FREM1: variants seen among roughly 807,000 people sequenced by gnomAD.
The protein encoded by FREM1 is FRAS1-related extracellular matrix protein 1.
Under a neutral mutation model 210.1 loss-of-function variants are expected in FREM1, and 220 were observed. The ratio of observed to expected loss-of-function variants is 1.05; its 90% CI spans 0.94 to 1.17. The LOEUF (loss-of-function observed/expected upper bound fraction) is 1.17, where lower values mean the gene tolerates loss of function less well. Ranked by LOEUF, FREM1 falls within the 50% of genes most tolerant of loss-of-function variation. The pLI is 0.00. For missense variants in FREM1, 3,454 were observed against 2,675.5 expected (o/e 1.29, Z -6.42); for synonymous variants, 1,189 against 980.2 (o/e 1.21, Z -3.98).
At chr9:14,829,748 G>A (rs1399802753) in intron 10 of FREM1, among the ~76,000 whole-genome samples, 1 of 152,156 alleles carries the variant, frequency 6.6e-6, no homozygotes, top group Non-Finnish European at 1.5e-5. Context: ...TGTTGTAGCA[G>A]TACAAAATGG....
intron 13 of FREM1, among the ~76,000 whole-genome samples, chr9:14,822,660 C>A (rs563803455): frequency 6.6e-6 from 1 of 152,164 alleles, no homozygotes; most frequent in African/African-American, 2.4e-5. Flanking sequence ...CTTTGTAGTT[C>A]GGTTTTAATG....
At chr9:14,889,152 G>A (rs1040030420) in intron 1 of FREM1, among the ~76,000 whole-genome samples, 12 of 151,942 alleles carry the variant, frequency 7.9e-5, no homozygotes, top group Non-Finnish European at 1.5e-4. Flanking sequence ...AGTATAAATC[G>A]GTCTGTTTCT....
chr9:14,821,924 G>C (rs1821411821), intron 13 of FREM1, among the ~76,000 whole-genome samples: 1 of 152,150 alleles, frequency 6.6e-6, no homozygotes, highest in South Asian at 2.1e-4. Context: ...TCTTCACGTG[G>C]TTTGGCCATG....
intron 23 of FREM1, 66 bp from the exon 24 acceptor site, chr9:14,784,700 CA>C: frequency 7.6e-7 from 1 of 1,314,584 alleles, no homozygotes; most frequent in South Asian, 2.2e-5. Context: ...AAGGCAAAGG[CA>C]GAAGACAAAG....
In FREM1 at chr9:14,836,507, G is replaced by A. The variant is rs997904043; in HGVS notation, c.1881+4940C>T. 6.6e-6 allele frequency among the ~76,000 whole-genome samples: 1 copy of A among 152,128 alleles called. No individual in the cohort carries two copies. Among genetic ancestry groups the A allele is most frequent in the Admixed American group, 6.5e-5 (1 of 15,272 alleles). On this transcript the variant is annotated intron_variant, in intron 10 of 36. Coordinates refer to ENST00000380880, the MANE Select transcript of FREM1 (RefSeq NM_001379081.2). The surrounding 1 kb of genome is among the most constrained non-coding windows in gnomAD (Gnocchi z 4.9). ...AAATCAAAATTATTAACAGGCTCAG[G>A]GAAAATGCCGGCTTCAGCCCTGGGC... is the stretch of plus-strand genomic sequence containing the variant.
At chr9:14,813,121 G>C (rs1819704384) in intron 15 of FREM1, 57 bp from the exon 16 acceptor site, 1 of 1,520,712 alleles carries the variant, frequency 6.6e-7, no homozygotes, top group Non-Finnish European at 9.0e-7. Flanking sequence ...CAAATTCTTT[G>C]ACAGGTAATC....
chr9:14,860,624 TAC>T (rs1310863102), intron 3 of FREM1, among the ~76,000 whole-genome samples: 15 of 138,976 alleles, frequency 1.1e-4, no homozygotes, highest in Admixed American at 1.5e-4. Context: ...CACATATATA[TAC>T]ACATATATAC....
intron 5 of FREM1, among the ~76,000 whole-genome samples, chr9:14,855,114 T>C (rs1485614232): frequency 6.6e-6 from 1 of 151,952 alleles, no homozygotes; most frequent in Non-Finnish European, 1.5e-5. Context: ...GCCATGAAAA[T>C]TTTGAAGAGA....
intron 23 of FREM1, among the ~76,000 whole-genome samples, chr9:14,784,999 G>C (rs1850188704): frequency 6.6e-6 from 1 of 152,192 alleles, no homozygotes; most frequent in South Asian, 2.1e-4. Flanking sequence ...ATTTTGGAAA[G>C]AGTGTAAATT....
At chr9:14,815,545 T>C (rs1460220940) in intron 15 of FREM1, among the ~76,000 whole-genome samples, 1 of 152,218 alleles carries the variant, frequency 6.6e-6, no homozygotes, top group Non-Finnish European at 1.5e-5. Context: ...CCTTCTTTTG[T>C]TACCAACTAT....
At chr9:14,788,858 T>A in intron 23 of FREM1, 61 bp downstream of exon 23, 1 of 1,273,960 alleles carries the variant, frequency 7.8e-7, no homozygotes, top group African/African-American at 1.5e-5. Flanking sequence ...GAAACGAATG[T>A]GGAATACTTA....
At chr9:14,900,732 T>A (rs568632138) in intron 1 of FREM1, among the ~76,000 whole-genome samples, 2 of 152,256 alleles carry the variant, frequency 1.3e-5, no homozygotes, top group Admixed American at 1.3e-4. Context: ...GGAAAGCCAG[T>A]CCCATGTGTG....
At chr9:14,744,935 C>T (rs943219586) in intron 35 of FREM1, among the ~76,000 whole-genome samples, 2 of 152,108 alleles carry the variant, frequency 1.3e-5, no homozygotes, top group East Asian at 1.9e-4. Context: ...TACTATGCAG[C>T]CATAAAAAAG....
chr9:14,770,668 C>T lies in FREM1; in HGVS notation c.4996G>A (p.Asp1666Asn), dbSNP rs1475134475. 5.0e-6 allele frequency: 8 copies of T among 1,613,350 alleles called. No homozygotes were observed. The highest frequency in any genetic ancestry group is 1.7e-4 in the Middle Eastern group (1 of 6,022). Residue 1666 changes from aspartate to asparagine, a missense_variant, in exon 26 of 37, where the codon GAT becomes AAT. Physicochemically the swap from Asp to Asn is conservative, Grantham distance 23 (BLOSUM62 1). Transcript: ENST00000380880. The stretch of plus-strand genomic sequence containing the variant: ...TGTAGAATTTTAAAGATGATCTGAT[C>T]GTCCTCAGTGTCAGGGTCTGATGCC... ...LKASDPDTED[D>N]QIIFKILQGP...
intron 1 of FREM1, among the ~76,000 whole-genome samples, chr9:14,883,189 G>C (rs919572710): frequency 2.0e-5 from 3 of 152,030 alleles, no homozygotes; most frequent in African/African-American, 4.8e-5. Context: ...CTTTCTCATA[G>C]TCTTACAACA....
chr9:14,894,925 A>C (rs1427592491), intron 1 of FREM1, among the ~76,000 whole-genome samples: 2 of 152,212 alleles, frequency 1.3e-5, no homozygotes, highest in Non-Finnish European at 2.9e-5. Context: ...TCCTTTAAGG[A>C]ATTAAACTTG....
Position 14,789,004 on chromosome 9 carries a change from T to G in FREM1, c.4092A>C (p.Gln1364His), listed in dbSNP as rs1563930396. ...CCCAAAGGTAGAAGGTGAAGCTATC[T>G]TGATTCTGGGAATCCATTGCCCCGG... ...THTGAMDSQN[Q>H]DSFTFYLWDG... Residue 1364 changes from glutamine (Q) to histidine (H), a missense_variant, in exon 23 of 37, where the codon CAA becomes CAC. Transcript: ENST00000380880. 1 of 1,612,732 alleles carries G rather than the reference T, an allele frequency of 6.2e-7. No homozygotes were observed. Among genetic ancestry groups the G allele is most frequent in the Non-Finnish European group, 8.5e-7 (1 of 1,179,430 alleles).
intron 3 of FREM1, among the ~76,000 whole-genome samples, chr9:14,861,092 T>TACATATATACATATATACAC (rs1830267846): frequency 9.6e-6 from 1 of 103,784 alleles, no homozygotes; most frequent in African/African-American, 4.9e-5. Flanking sequence ...TATACACATA[T>TACATATATACATATATACAC]ATATAAACAT....
chr9:14,809,581 A>C (rs1192342047), intron 16 of FREM1, among the ~76,000 whole-genome samples: 1 of 152,206 alleles, frequency 6.6e-6, no homozygotes, highest in African/African-American at 2.4e-5. Flanking sequence ...AGAAAGAAAC[A>C]ATCAGCCGTC....
Sources: gnomAD v4.1 joint callset for allele counts (sites outside exome capture counted in the v4.1 genomes callset) on GRCh38, gnomAD v4.1.1 for gene constraint, Gnocchi (gnomAD v3.1) non-coding constraint, MANE v1.5 for transcripts, NCBI Gene and HGNC (gene_info 2026-07-23, HGNC 2026-07-21) for gene names.